Variants in TMEM71 observed in about 807,000 individuals in gnomAD.
TMEM71 encodes transmembrane protein 71.
Under a neutral mutation model 38.0 loss-of-function variants are expected in TMEM71, and 44 were observed. The observed-to-expected ratio is 1.16, with a 90% confidence interval of 0.91 to 1.49. The LOEUF is 1.49. Ranked by LOEUF, TMEM71 falls within the 40% of genes most tolerant of loss-of-function variation. The pLI is 0.00. For missense variants in TMEM71, 367 were observed against 348.6 expected, an observed-to-expected ratio of 1.05 and a Z score of -0.42; for synonymous variants, 133 against 122.5, an observed-to-expected ratio of 1.09 and a Z score of -0.56.
At chr8:132,746,268 TTAA>T (rs944201857) in intron 5 of TMEM71, among the ~76,000 whole-genome samples, 2 of 150,112 alleles carry the variant, frequency 1.3e-5, no homozygotes, top group African/African-American at 4.9e-5. Flanking sequence ...TGTATTAATA[TTAA>T]TGTTATTACA....
At chr8:132,715,244 A>G (rs1826448505) in intron 7 of TMEM71, among the ~76,000 whole-genome samples, 1 of 144,946 alleles carries the variant, frequency 6.9e-6, no homozygotes, top group Admixed American at 6.8e-5. Context: ...GTCTCCACTA[A>G]AAATGCAAAA....
At position 132,710,663 on chromosome 8, in the gene TMEM71, A is replaced by G. The variant is rs1356515876; in HGVS notation, c.*304T>C. On this transcript the variant is annotated 3_prime_UTR_variant, in exon 10 of 10. Coordinates refer to ENST00000677595, the MANE Select transcript of TMEM71 (RefSeq NM_001382403.1). ...ATTCAAGCTCGAGAACCACTGCCTT[A>G]AAGAATCATAGGGGGACATTTATTC... 5.7e-6 allele frequency: 3 copies of G among 525,492 alleles called. No individual in the cohort carries two copies. The African/African-American group carries it at 6.0e-5, about 11-fold the overall frequency. 32.6% of individuals were successfully genotyped at this position (525,492 alleles called of 1,614,324 possible). A position where few individuals can be genotyped will look rare whatever the true frequency, so the allele number is the denominator to read the frequency against.
intron 6 of TMEM71, among the ~76,000 whole-genome samples, chr8:132,722,879 A>C (rs1320057491): frequency 6.6e-6 from 1 of 152,206 alleles, no homozygotes. Context: ...TCAATCATGA[A>C]CCTCAGTATT....
At chr8:132,747,212 T>G (rs1828440923) in intron 4 of TMEM71, 98 bp from the exon 5 acceptor site, 1 of 1,035,688 alleles carries the variant, frequency 9.7e-7, no homozygotes. Context: ...AACCCAAGTC[T>G]GCTCACTGCA....
chr8:132,770,569 T>C, the TMEM71 span, among the ~76,000 whole-genome samples: 1 of 152,222 alleles, frequency 6.6e-6, no homozygotes, highest in Non-Finnish European at 1.5e-5. Context: ...CTTAAGCTGT[T>C]GGGGATCCCC....
At chr8:132,711,050 C>A in intron 9 of TMEM71, 68 bp from the exon 10 acceptor site, 1 of 1,407,884 alleles carries the variant, frequency 7.1e-7, no homozygotes, top group Non-Finnish European at 9.9e-7. Flanking sequence ...AGTATCTAAT[C>A]ACTGCATACC....
intron 4 of TMEM71, among the ~76,000 whole-genome samples, chr8:132,748,445 A>G (rs1287509153): frequency 6.6e-6 from 1 of 152,206 alleles, no homozygotes; most frequent in African/African-American, 2.4e-5. Context: ...TGCCCACAAC[A>G]AATAATTATC....
At chr8:132,766,710 G>C in the TMEM71 span, among the ~76,000 whole-genome samples, 8 of 151,094 alleles carry the variant, frequency 5.3e-5, no homozygotes, top group African/African-American at 1.9e-4. Context: ...AGGATCATTT[G>C]AGCAAGAGAG....
downstream of TMEM71, among the ~76,000 whole-genome samples, chr8:132,707,846 T>C (rs1826115292): frequency 6.6e-6 from 1 of 152,208 alleles, no homozygotes; most frequent in South Asian, 2.1e-4. Context: ...TAAAAACAGC[T>C]GTTCTGCCTA....
intron 7 of TMEM71, 107 bp from the exon 8 acceptor site, chr8:132,714,322 A>AT: frequency 1.2e-6 from 1 of 845,134 alleles, no homozygotes; most frequent in Non-Finnish European, 2.0e-6. Context: ...TTACTATGAA[A>AT]CTACAGTAAT....
At chr8:132,741,608 GAC>G (rs1418334784) in intron 5 of TMEM71, among the ~76,000 whole-genome samples, 3 of 151,004 alleles carry the variant, frequency 2.0e-5, no homozygotes, top group Non-Finnish European at 1.5e-5. Context: ...GAGGCAGAGA[GAC>G]AGAGGTGACA....
chr8:132,761,361 CAT>C (rs1478053302), upstream of TMEM71, among the ~76,000 whole-genome samples: 6 of 152,142 alleles, frequency 3.9e-5, no homozygotes, highest in Non-Finnish European at 8.8e-5. Flanking sequence ...ATATATATGT[CAT>C]ATGATGGCTT....
At chr8:132,759,513 C>A (rs1420241007) in intron 1 of TMEM71, 1 of 152,152 alleles carries the variant, frequency 6.6e-6, no homozygotes, top group East Asian at 1.9e-4. Context: ...GAACTTAGTT[C>A]CCATGAAGAC....
At chr8:132,721,622 CT>C (rs1439510953) in intron 7 of TMEM71, among the ~76,000 whole-genome samples, 1 of 150,994 alleles carries the variant, frequency 6.6e-6, no homozygotes, top group Non-Finnish European at 1.5e-5. Context: ...TCTCAGCTCA[CT>C]GCAACCTCTG....
chr8:132,772,012 A>G, the TMEM71 span, among the ~76,000 whole-genome samples: 257 of 152,356 alleles, frequency 1.7e-3, no homozygotes, highest in Non-Finnish European at 3.0e-3. Flanking sequence ...AGAGGCTATC[A>G]CAGTAGTTTA....
the TMEM71 span, among the ~76,000 whole-genome samples, chr8:132,772,327 C>T: frequency 6.6e-6 from 1 of 152,290 alleles, no homozygotes; most frequent in East Asian, 1.9e-4. Context: ...TTTGGTTCTG[C>T]TCAAACACAG....
intron 5 of TMEM71, among the ~76,000 whole-genome samples, chr8:132,745,943 A>G (rs1828316107): frequency 6.7e-6 from 1 of 150,200 alleles, no homozygotes; most frequent in African/African-American, 2.5e-5. Context: ...CTATGTTCTT[A>G]CCTATAAGTG....
intron 2 of TMEM71, 80 bp downstream of exon 2, chr8:132,758,760 C>A: frequency 7.7e-7 from 1 of 1,293,574 alleles, no homozygotes; most frequent in East Asian, 2.3e-5. Context: ...TGAGTATCAG[C>A]AAAATCAAAG....
intron 5 of TMEM71, 74 bp from the exon 6 acceptor site, chr8:132,728,060 C>T (rs771266440): frequency 7.6e-5 from 86 of 1,131,496 alleles, no homozygotes; most frequent in Non-Finnish European, 1.1e-4. Flanking sequence ...TCAGTGACTG[C>T]TCAATGCACA....
Sources: gnomAD v4.1 joint callset for allele counts (sites outside exome capture counted in the v4.1 genomes callset) on GRCh38, gnomAD v4.1.1 for gene constraint, MANE v1.5 for transcripts, NCBI Gene and HGNC (gene_info 2026-07-23, HGNC 2026-07-21) for gene names.